The following GPR149 variants were observed in gnomAD, a reference collection of about 807,000 sequenced individuals.
GPR149 encodes the protein probable G protein-coupled receptor 149.
Under a neutral mutation model 50.2 loss-of-function variants are expected in GPR149, and 50 were observed. That is an observed-to-expected ratio of 1.00 (90% confidence interval 0.79 to 1.26). GPR149 has a LOEUF of 1.26. Among genes scored for constraint, GPR149 ranks in the 50% most tolerant of loss-of-function variants. The pLI, the probability that GPR149 is intolerant of heterozygous loss-of-function variation, is 0.00. For missense variants in GPR149, 983 were observed against 895.4 expected, an observed-to-expected ratio of 1.10 and a Z score of -1.25; for synonymous variants, 405 against 358.2, an observed-to-expected ratio of 1.13 and a Z score of -1.48.
intron 3 of GPR149, among the ~76,000 whole-genome samples, chr3:154,356,879 TC>T (rs1559972951): frequency 6.6e-6 from 1 of 152,098 alleles, no homozygotes; most frequent in Non-Finnish European, 1.5e-5. Context: ...GCCAAGTCAA[TC>T]CTAAGACAAA....
chr3:154,337,916 C>A lies in GPR149; in HGVS notation c.1979G>T (p.Arg660Ile). Residue 660 changes from arginine (R) to isoleucine (I), a missense_variant, in exon 4 of 4, where the codon AGA becomes ATA. Arg to Ile is a moderately conservative substitution (Grantham distance 97). Transcript: ENST00000389740. ...PSLRYSRKENRFVSCDLGETA... is the reference protein window; with the variant it reads ...PSLRYSRKENIFVSCDLGETA... ...TTCCCCTAGGTCACATGAAACAAAT[C>A]TGTTTTCTTTCCTGGAGTAACGTAG... 1 of 1,612,790 alleles carries A rather than the reference C, an allele frequency of 6.2e-7. No homozygotes were observed. Among genetic ancestry groups the A allele is most frequent in the Non-Finnish European group, 8.5e-7 (1 of 1,179,296 alleles).
chr3:154,356,422 C>T (rs887670379), intron 3 of GPR149, among the ~76,000 whole-genome samples: 5 of 152,124 alleles, frequency 3.3e-5, no homozygotes, highest in African/African-American at 1.2e-4. Context: ...GATTGTATAT[C>T]TAGAAATCCC....
intron 3 of GPR149, among the ~76,000 whole-genome samples, chr3:154,398,962 A>G (rs1715358091): frequency 6.6e-6 from 1 of 152,180 alleles, no homozygotes. Context: ...GAAGGACTCT[A>G]ATTAAAATTG....
chr3:154,355,746 C>T (rs935701096), intron 3 of GPR149, among the ~76,000 whole-genome samples: 9 of 152,102 alleles, frequency 5.9e-5, no homozygotes, highest in Admixed American at 5.9e-4. Context: ...AGCACTCATT[C>T]AATTGGATGT....
chr3:154,401,973 A>G (rs1026835439), intron 3 of GPR149, among the ~76,000 whole-genome samples: 1 of 152,212 alleles, frequency 6.6e-6, no homozygotes, highest in African/African-American at 2.4e-5. Context: ...TAATGCCATC[A>G]AGTCAAGGGA....
chr3:154,345,216 G>A lies in GPR149; in HGVS notation c.1624-6945C>T, dbSNP rs191826500. ...TTCAGATTTCATATTTTAACTTTTC[G>A]CACAAAAAATAGGATCATCTTTTAA... is the stretch of plus-strand genomic sequence containing the variant. On this transcript the variant is annotated intron_variant, in intron 3 of 3. Transcript: ENST00000389740. Among the ~76,000 whole-genome samples the A allele has an allele frequency of 5.5e-4, 83 of 152,004 alleles. 1 individual carries two copies. The highest frequency in any genetic ancestry group is 1.8e-3 in the African/African-American group (76 of 41,502).
intron 3 of GPR149, among the ~76,000 whole-genome samples, chr3:154,388,397 G>A (rs1359992944): frequency 1.3e-5 from 2 of 152,006 alleles, no homozygotes; most frequent in Non-Finnish European, 2.9e-5. Flanking sequence ...TTTCCTAAGT[G>A]TGTTAGGAGA....
chr3:154,367,343 C>A (rs76694995), intron 3 of GPR149, among the ~76,000 whole-genome samples: 9 of 143,830 alleles, frequency 6.3e-5, no homozygotes, highest in Non-Finnish European at 1.3e-4. Context: ...CCTTCCCCCC[C>A]CCGAAACTAA....
chr3:154,414,740 T>C (rs1032352820), intron 3 of GPR149, among the ~76,000 whole-genome samples: 2 of 151,882 alleles, frequency 1.3e-5, no homozygotes, highest in African/African-American at 2.4e-5. Flanking sequence ...ATTCTGTCAA[T>C]TGAAAAATAA....
chr3:154,389,674 T>A (rs921632135), intron 3 of GPR149, among the ~76,000 whole-genome samples: 28 of 151,900 alleles, frequency 1.8e-4, no homozygotes, highest in Non-Finnish European at 3.8e-4. Flanking sequence ...ATGGGAAGGG[T>A]AAGAAAGAAT....
chr3:154,355,930 T>C (rs1714212840), intron 3 of GPR149, among the ~76,000 whole-genome samples: 1 of 152,238 alleles, frequency 6.6e-6, no homozygotes, highest in South Asian at 2.1e-4. Flanking sequence ...ATTGATGATA[T>C]TCATGTAAGT....
intron 1 of GPR149, among the ~76,000 whole-genome samples, chr3:154,428,004 C>T (rs1712356619): frequency 6.6e-6 from 1 of 152,222 alleles, no homozygotes; most frequent in South Asian, 2.1e-4. Flanking sequence ...AGCTAGGAAA[C>T]AGGCGTCCGT....
At chr3:154,338,848 A>T (rs1340478954) in intron 3 of GPR149, among the ~76,000 whole-genome samples, 1 of 152,240 alleles carries the variant, frequency 6.6e-6, no homozygotes, top group Non-Finnish European at 1.5e-5. Context: ...ACTTTTCCAC[A>T]GAGAAATCAG....
At chr3:154,342,620 G>T (rs1268519538) in intron 3 of GPR149, among the ~76,000 whole-genome samples, 3 of 152,084 alleles carry the variant, frequency 2.0e-5, no homozygotes, top group Admixed American at 1.3e-4. Flanking sequence ...TGTTGGCCAG[G>T]CTGGTCTTGA....
At chr3:154,360,182 G>A (rs1018232010) in intron 3 of GPR149, among the ~76,000 whole-genome samples, 6 of 152,222 alleles carry the variant, frequency 3.9e-5, no homozygotes, top group African/African-American at 1.4e-4. Context: ...AATGAGGGCT[G>A]CAAGCAGTTT....
rs190766123 is a variant in GPR149, at chr3:154,358,264, C to T, written c.1624-19993G>A. On this transcript the variant is annotated intron_variant, in intron 3 of 3. Coordinates refer to ENST00000389740, the MANE Select transcript of GPR149 (RefSeq NM_001038705.3). ...ATGTAACTAACCTGCGCATTGTGCA[C>T]ATGTACCCTAAAACTTAAAGTATAA... 3.6e-4 allele frequency among the ~76,000 whole-genome samples: 55 copies of T among 152,036 alleles called. No individual in the cohort carries two copies. The East Asian group carries it at 7.5e-3, about 21-fold the overall frequency.
At chr3:154,413,276 T>G (rs1711892427) in intron 3 of GPR149, among the ~76,000 whole-genome samples, 1 of 151,736 alleles carries the variant, frequency 6.6e-6, no homozygotes, top group African/African-American at 2.4e-5. Flanking sequence ...CAAAAGCAAA[T>G]GCAACAAAAA....
rs768230732 is a variant in GPR149, at chr3:154,429,552, A to G, written c.64T>C (p.Ser22Pro). The G allele has an allele frequency of 1.2e-6, 2 of 1,613,894 alleles. No homozygotes were observed. The highest frequency in any genetic ancestry group is 8.5e-7 in the Non-Finnish European group (1 of 1,179,846). The part of the protein sequence containing the change: ...DSSLWKENHN[S>P]TDLLNPPGTL... ...CCTGGCGGATTTAAAAGGTCCGTAG[A>G]ATTATGATTCTCTTTCCACAGGCTA... The change falls in exon 1 of 4, where the codon TCT becomes CCT. Residue 22 changes from serine (S) to proline (P), a missense_variant. Coordinates refer to ENST00000389740, the MANE Select transcript of GPR149 (RefSeq NM_001038705.3).
At chr3:154,368,463 C>T (rs1402213484) in intron 3 of GPR149, among the ~76,000 whole-genome samples, 2 of 152,200 alleles carry the variant, frequency 1.3e-5, no homozygotes, top group Non-Finnish European at 2.9e-5. Context: ...AAAGACAGGC[C>T]TGTAATTTTC....
Sources: gnomAD v4.1 joint callset for allele counts (sites outside exome capture counted in the v4.1 genomes callset) on GRCh38, gnomAD v4.1.1 for gene constraint, MANE v1.5 for transcripts, NCBI Gene and HGNC (gene_info 2026-07-23, HGNC 2026-07-21) for gene names.